Variants in SLC28A1 observed in about 807,000 individuals in gnomAD.
The protein encoded by SLC28A1 is sodium/nucleoside cotransporter 1.
In SLC28A1, 64 loss-of-function variants were observed where a neutral mutation model predicts 74.8. That is an observed-to-expected ratio of 0.86 (90% CI 0.70 to 1.05). The LOEUF (loss-of-function observed/expected upper bound fraction) is 1.05. SLC28A1 is among the 50% of genes least tolerant of loss of function. SLC28A1 has a pLI of 0.00. For synonymous variants in SLC28A1, 359 were observed against 335.0 expected (o/e 1.07, Z -0.78); for missense variants, 828 against 822.8 (o/e 1.01, Z -0.08).
At chr15:84,905,714 A>G (rs1321930713) in intron 8 of SLC28A1, 62 bp downstream of exon 8, 3 of 1,228,260 alleles carry the variant, frequency 2.4e-6, no homozygotes, top group Non-Finnish European at 3.6e-6. Context: ...GGGAGAAGCC[A>G]CTTGGCAGGG....
intron 9 of SLC28A1, among the ~76,000 whole-genome samples, chr15:84,914,919 C>T (rs1430878972): frequency 1.3e-5 from 2 of 152,210 alleles, no homozygotes; most frequent in East Asian, 3.8e-4. Context: ...AGCTTCTCTT[C>T]TACCATTCTC....
intron 5 of SLC28A1, 61 bp downstream of exon 5, chr15:84,890,595 T>G: frequency 7.5e-7 from 1 of 1,335,730 alleles, no homozygotes; most frequent in Non-Finnish European, 1.1e-6. Context: ...TATCCATGTC[T>G]CAGGGCAGGG....
At chr15:84,941,484 C>T (rs8030034) in intron 15 of SLC28A1, among the ~76,000 whole-genome samples, 28,397 of 151,928 alleles carry the variant, frequency 0.19, 3,255 homozygotes, top group South Asian at 0.43. Flanking sequence ...GGATTACAGG[C>T]GTGACCCACT....
At chr15:84,963,883 G>T in the SLC28A1 span, among the ~76,000 whole-genome samples, 3 of 152,274 alleles carry the variant, frequency 2.0e-5, no homozygotes, top group South Asian at 6.2e-4. Context: ...CCTAGCTCCA[G>T]CCTCACTGAG....
intron 12 of SLC28A1, among the ~76,000 whole-genome samples, chr15:84,928,518 GGTTCGTTC>G (rs141295230): frequency 0.21 from 7,132 of 34,078 alleles, 2,034 homozygotes; most frequent in African/African-American, 0.46. Flanking sequence ...CAAGCTCCCA[GGTTCGTTC>G]GTTCTTTCTT....
chr15:84,930,112 G>A (rs541056690), intron 12 of SLC28A1, among the ~76,000 whole-genome samples: 11 of 152,370 alleles, frequency 7.2e-5, no homozygotes, highest in Admixed American at 1.3e-4. Flanking sequence ...GGTCACCCAG[G>A]GGACAGTGTG....
intron 4 of SLC28A1, among the ~76,000 whole-genome samples, chr15:84,889,632 T>G (rs542294109): frequency 6.6e-6 from 1 of 152,100 alleles, no homozygotes; most frequent in South Asian, 2.1e-4. Context: ...TCCATGTTTT[T>G]CTTTTCTTTT....
rs111881000 is a variant in SLC28A1, at chr15:84,918,324, A to G, written c.796-200A>G. ...CTATTTAGAGGGGAGCCGAGAGGAC[A>G]AGGCTGCCTCCAAAGAGGCCCTGCA... On this transcript the variant is annotated intron_variant, in intron 9 of 18. Transcript: ENST00000394573. Among the ~76,000 whole-genome samples the G allele has an allele frequency of 7.0e-3, 1,064 of 152,198 alleles. 16 individuals carry two copies. The highest frequency in any genetic ancestry group is 0.024 in the African/African-American group (987 of 41,550).
chr15:84,886,760 C>T lies in SLC28A1; in HGVS notation c.-44C>T. 1.0e-6 allele frequency: 1 copy of T among 985,458 alleles called. No individual in the cohort carries two copies. The highest frequency in any genetic ancestry group is 1.2e-6 in the Non-Finnish European group (1 of 829,906). 61.0% of individuals were successfully genotyped at this position (985,458 alleles called of 1,614,324 possible). A position where few individuals can be genotyped will look rare whatever the true frequency, so the allele number is the denominator to read the frequency against. ...CAGAGACGTGTGCTTCCCTCTCTCT[C>T]TGAGAGCGACCTGTTAACCGCAAAT... On this transcript the variant is annotated 5_prime_UTR_variant, in exon 2 of 19. Coordinates refer to ENST00000394573, the MANE Select transcript of SLC28A1 (RefSeq NM_004213.5).
At chr15:84,886,556 T>G in intron 1 of SLC28A1, 116 bp from the exon 2 acceptor site, 1 of 985,596 alleles carries the variant, frequency 1.0e-6, no homozygotes, top group Non-Finnish European at 1.2e-6. Flanking sequence ...GCCTGCTTCC[T>G]GTATCCCTGA....
At chr15:84,950,880 C>T in the SLC28A1 span, among the ~76,000 whole-genome samples, 1 of 152,084 alleles carries the variant, frequency 6.6e-6, no homozygotes, top group Admixed American at 6.5e-5. Context: ...TTTCGTGGGC[C>T]ATATTGCCGT....
At chr15:84,929,837 G>T (rs1971069846) in intron 12 of SLC28A1, among the ~76,000 whole-genome samples, 1 of 152,230 alleles carries the variant, frequency 6.6e-6, no homozygotes, top group Admixed American at 6.5e-5. Context: ...ACTCCAGCCT[G>T]GGTGACAGAG....
chr15:84,951,379 A>G, the SLC28A1 span, among the ~76,000 whole-genome samples: 1 of 151,574 alleles, frequency 6.6e-6, no homozygotes, highest in African/African-American at 2.4e-5. Flanking sequence ...ACAGTGAGCC[A>G]TGACCCACTG....
intron 7 of SLC28A1, among the ~76,000 whole-genome samples, chr15:84,904,577 G>T (rs762832804): frequency 7.2e-5 from 11 of 152,172 alleles, no homozygotes; most frequent in Non-Finnish European, 1.5e-4. Flanking sequence ...ACTCCAGCCT[G>T]TCTGCAGAGC....
chr15:84,921,175 G>T, intron 11 of SLC28A1, 106 bp downstream of exon 11: 1 of 861,028 alleles, frequency 1.2e-6, no homozygotes, highest in Non-Finnish European at 1.9e-6. Flanking sequence ...AGAGCCATTT[G>T]AACCTTCTCC....
the SLC28A1 span, among the ~76,000 whole-genome samples, chr15:84,970,455 G>T: frequency 6.6e-6 from 1 of 152,142 alleles, no homozygotes; most frequent in African/African-American, 2.4e-5. Context: ...TACAGGACAG[G>T]AAGAAAAGTG....
At chr15:84,953,274 T>C in the SLC28A1 span, among the ~76,000 whole-genome samples, 1 of 152,206 alleles carries the variant, frequency 6.6e-6, no homozygotes, top group Non-Finnish European at 1.5e-5. Flanking sequence ...ATGGCTGGTA[T>C]GGAAAAGACA....
chr15:84,887,819 G>T lies in SLC28A1; in HGVS notation c.59G>T (p.Gly20Val). Residue 20 changes from glycine to valine, a missense_variant, in exon 3 of 19, where the codon GGT (glycine) becomes GTT (valine). Around this residue, in one of 3 missense-constraint regions of SLC28A1, gnomAD observed 767 missense variants for 753.5 expected, o/e 1.02. Coordinates refer to ENST00000394573, the MANE Select transcript of SLC28A1 (RefSeq NM_004213.5). ...ESISLTPVAK[G>V]LENMGADFLE... ...ATCTCTCTCACACCTGTGGCCAAGG[G>T]TCTGGAGAACATGGGGGCTGATTTC... 1 of 1,614,092 alleles carries T rather than the reference G, an allele frequency of 6.2e-7. No individual in the cohort carries two copies. The highest frequency in any genetic ancestry group is 8.5e-7 in the Non-Finnish European group (1 of 1,179,954).
Position 84,943,459 on chromosome 15 carries a change from C to T in SLC28A1, c.1596C>T (p.Val532=), listed in dbSNP as rs1175745469. The change falls in exon 16 of 19, where the codon GTC becomes GTT. Residue 532 remains valine (V), a synonymous_variant. Coordinates refer to ENST00000394573, the MANE Select transcript of SLC28A1 (RefSeq NM_004213.5). Reference sequence around the variant, plus strand: ...TGTATTTTCAGGTCAGAGCTGAAGTCCTCACGACGTTTGCCCTCTGTGGAT... The same window carrying T: ...TGTATTTTCAGGTCAGAGCTGAAGTTCTCACGACGTTTGCCCTCTGTGGAT... ...RKQWISVRAE[V]LTTFALCGFA... is the part of the protein sequence containing the mutation. 5 of 1,613,780 alleles carry T rather than the reference C, an allele frequency of 3.1e-6. No homozygotes were observed. Among genetic ancestry groups the T allele is most frequent in the Non-Finnish European group, 4.2e-6 (5 of 1,179,848 alleles).
Sources: allele counts gnomAD v4.1 joint callset (sites outside exome capture counted in the v4.1 genomes callset), GRCh38; gene constraint gnomAD v4.1.1; regional missense constraint gnomAD v4.1.1; transcripts MANE v1.5; gene names NCBI Gene and HGNC (gene_info 2026-07-23, HGNC 2026-07-21).